Variants in AXDND1 observed in about 807,000 individuals in gnomAD.
The protein encoded by AXDND1 is axonemal dynein light chain domain containing 1, also known as axonemal dynein light chain domain-containing protein 1.
Under a neutral mutation model 137.5 loss-of-function variants are expected in AXDND1, and 110 were observed. That is an observed-to-expected ratio of 0.80 (90% CI 0.69 to 0.94). The LOEUF is 0.94. AXDND1 is among the 40% of genes least tolerant of loss of function. The pLI is 0.00. For missense variants in AXDND1, 1,191 were observed against 1,169.8 expected, an observed-to-expected ratio of 1.02 and a Z score of -0.26; for synonymous variants, 414 against 399.7, an observed-to-expected ratio of 1.04 and a Z score of -0.43.
At position 179,406,802 on chromosome 1, in the gene AXDND1, C is replaced by T. The variant is rs918120037; in HGVS notation, c.1110-4344C>T. ...ATATGTTTAGGTTGCATTTTTATATCCATTCAGCCAATCTATATCTTTTAC... is the reference window on the plus strand; with the variant it reads ...ATATGTTTAGGTTGCATTTTTATATTCATTCAGCCAATCTATATCTTTTAC... On this transcript the variant is annotated intron_variant, in intron 11 of 25. Coordinates refer to ENST00000367618, the MANE Select transcript of AXDND1 (RefSeq NM_144696.6). 2.0e-5 allele frequency among the ~76,000 whole-genome samples: 3 copies of T among 152,178 alleles called. No homozygotes were observed. The South Asian group carries it at 6.2e-4, about 32-fold the overall frequency.
chr1:179,533,768 A>T, intron 23 of AXDND1, 27 bp from the exon 24 acceptor site: 6 of 1,478,588 alleles, frequency 4.1e-6, no homozygotes, highest in Non-Finnish European at 3.8e-6. Flanking sequence ...CTGTCAGTTC[A>T]TTCATATCTC....
chr1:179,386,975 C>A (rs1649325549), intron 9 of AXDND1, among the ~76,000 whole-genome samples: 1 of 151,940 alleles, frequency 6.6e-6, no homozygotes, highest in East Asian at 1.9e-4. Flanking sequence ...TTTTTGCTTT[C>A]ATCTCTAGAA....
chr1:179,525,892 G>T (rs890437260), intron 22 of AXDND1, among the ~76,000 whole-genome samples: 2 of 152,016 alleles, frequency 1.3e-5, no homozygotes, highest in Non-Finnish European at 2.9e-5. Context: ...GTGAACTCCA[G>T]TTTCCTTCTT....
chr1:179,407,217 G>GT (rs1223429897), intron 11 of AXDND1, among the ~76,000 whole-genome samples: 3 of 150,976 alleles, frequency 2.0e-5, no homozygotes, highest in South Asian at 2.1e-4. Context: ...GGCTAGCAGG[G>GT]TTTTTTTTCT....
intron 25 of AXDND1, among the ~76,000 whole-genome samples, chr1:179,537,785 A>G (rs1446916446): frequency 6.6e-6 from 1 of 151,912 alleles, no homozygotes; most frequent in Admixed American, 6.6e-5. Flanking sequence ...TCCTCTTTGT[A>G]CCTCTGGTAG....
chr1:179,441,055 C>T (rs1276825518), intron 15 of AXDND1, among the ~76,000 whole-genome samples: 1 of 152,170 alleles, frequency 6.6e-6, no homozygotes, highest in Non-Finnish European at 1.5e-5. Flanking sequence ...AATCAATGTA[C>T]CTCCGGGAAC....
At chr1:179,436,422 C>T (rs879624567) in intron 15 of AXDND1, among the ~76,000 whole-genome samples, 3 of 152,202 alleles carry the variant, frequency 2.0e-5, no homozygotes, top group South Asian at 2.1e-4. Flanking sequence ...TTTACAACAG[C>T]AAAGACATGG....
At chr1:179,426,655 G>T (rs181732246) in intron 12 of AXDND1, among the ~76,000 whole-genome samples, 1 of 152,246 alleles carries the variant, frequency 6.6e-6, no homozygotes, top group Non-Finnish European at 1.5e-5. Flanking sequence ...TTTCAACATT[G>T]CTTGTGATTA....
chr1:179,419,531 G>T (rs1277776559), intron 12 of AXDND1, among the ~76,000 whole-genome samples: 1 of 150,158 alleles, frequency 6.7e-6, no homozygotes, highest in Non-Finnish European at 1.5e-5. Flanking sequence ...GGAGAATCAG[G>T]CAGGGAGGTT....
intron 12 of AXDND1, among the ~76,000 whole-genome samples, chr1:179,422,789 A>G (rs971966475): frequency 2.6e-5 from 4 of 152,012 alleles, no homozygotes; most frequent in African/African-American, 9.7e-5. Flanking sequence ...TTTGAGATGA[A>G]GTCTCACTCT....
At chr1:179,418,820 C>T (rs1470983005) in intron 12 of AXDND1, among the ~76,000 whole-genome samples, 6 of 151,174 alleles carry the variant, frequency 4.0e-5, no homozygotes, top group Admixed American at 2.0e-4. Flanking sequence ...ACTTCTCAGA[C>T]GGGGCGGCTG....
chr1:179,486,758 C>T (rs1666131231), intron 18 of AXDND1, among the ~76,000 whole-genome samples: 2 of 148,782 alleles, frequency 1.3e-5, no homozygotes, highest in Middle Eastern at 3.4e-3. Flanking sequence ...AAATGAGATC[C>T]TTTTTAGACA....
At position 179,551,440 on chromosome 1, in the gene AXDND1, T is replaced by G. The variant is rs146940071; in HGVS notation, c.3032-3072T>G. ...ACTCAGAAGCAGCCTTTTCCGCTTC[T>G]GCAGCAATCATCTAGAAAACATGTG... On this transcript the variant is annotated intron_variant, in intron 25 of 25. Coordinates refer to ENST00000367618, the MANE Select transcript of AXDND1 (RefSeq NM_144696.6). 2 of 1,613,426 alleles carry G rather than the reference T, an allele frequency of 1.2e-6. No individual in the cohort carries two copies. The highest frequency in any genetic ancestry group is 2.2e-5 in the South Asian group (2 of 91,042).
chr1:179,396,613 A>C (rs1407453131), intron 11 of AXDND1, among the ~76,000 whole-genome samples: 1 of 151,568 alleles, frequency 6.6e-6, no homozygotes, highest in Non-Finnish European at 1.5e-5. Flanking sequence ...GCGCCACTGC[A>C]CTCCAGCACT....
intron 25 of AXDND1, chr1:179,548,782 G>A (rs964265428): frequency 4.6e-5 from 7 of 152,064 alleles, no homozygotes; most frequent in African/African-American, 1.2e-4. Flanking sequence ...ACTGCAGAGC[G>A]CCCATTGCAC....
chr1:179,378,587 G>GCCA, intron 4 of AXDND1, 50 bp from the exon 5 acceptor site: 1 of 1,387,990 alleles, frequency 7.2e-7, no homozygotes, highest in East Asian at 2.7e-5. Context: ...CTGTTATGTG[G>GCCA]TATCCAGATA....
intron 15 of AXDND1, 59 bp downstream of exon 15, chr1:179,432,401 C>G: frequency 5.4e-6 from 8 of 1,475,316 alleles, no homozygotes; most frequent in Non-Finnish European, 7.2e-6. Context: ...CTTGGCATTC[C>G]GGACCTACAA....
In AXDND1 at chr1:179,417,191, C is replaced by CTT. The variant is rs141201555; in HGVS notation, c.1230+5937_1230+5938dup. ...CCATTTTAAAATCAGACTATCTCCT[C>CTT]TTTTTTTTTTTTTGCTATTGAGTTG... On this transcript the variant is annotated intron_variant, in intron 12 of 25. Coordinates refer to ENST00000367618, the MANE Select transcript of AXDND1 (RefSeq NM_144696.6). 9.6e-3 allele frequency among the ~76,000 whole-genome samples: 1,381 copies of CTT among 143,554 alleles called. 11 individuals are homozygous for CTT. The highest frequency in any genetic ancestry group is 0.014 in the Non-Finnish European group (945 of 65,854). 94.2% of individuals were successfully genotyped at this position (143,554 alleles called of 152,430 possible).
intron 21 of AXDND1, among the ~76,000 whole-genome samples, chr1:179,518,088 A>G (rs1669710455): frequency 6.6e-6 from 1 of 152,210 alleles, no homozygotes; most frequent in African/African-American, 2.4e-5. Context: ...GAAAGACTCC[A>G]TTCATTTTTG....
Sources: gnomAD v4.1 joint callset for allele counts (sites outside exome capture counted in the v4.1 genomes callset) on GRCh38, gnomAD v4.1.1 for gene constraint, MANE v1.5 for transcripts, NCBI Gene and HGNC (gene_info 2026-07-23, HGNC 2026-07-21) for gene names.